MACROD2: variants seen among roughly 807,000 people sequenced by gnomAD.
MACROD2 encodes the protein ADP-ribose glycohydrolase MACROD2.
Under a neutral mutation model 70.4 loss-of-function variants are expected in MACROD2, and 36 were observed. That is an observed-to-expected ratio of 0.51 (90% CI 0.39 to 0.68). The LOEUF (loss-of-function observed/expected upper bound fraction) is 0.68, where lower values mean the gene tolerates loss of function less well. MACROD2 is among the 30% of genes least tolerant of loss of function. The pLI is 0.00. For missense variants in MACROD2, 496 were observed against 538.4 expected, an observed-to-expected ratio of 0.92 and a Z score of 0.78; for synonymous variants, 172 against 178.8, an observed-to-expected ratio of 0.96 and a Z score of 0.30.
At chr20:15,066,111 C>CT (rs576117795) in intron 5 of MACROD2, among the ~76,000 whole-genome samples, 1,632 of 142,636 alleles carry the variant, frequency 0.011, 27 homozygotes, top group African/African-American at 0.037. Flanking sequence ...GAGCTGCTTT[C>CT]TTTTTTTTTT....
At chr20:15,375,279 C>T (rs1032110336) in intron 6 of MACROD2, among the ~76,000 whole-genome samples, 1 of 152,030 alleles carries the variant, frequency 6.6e-6, no homozygotes, top group Non-Finnish European at 1.5e-5. Context: ...TCGTGAGATA[C>T]CTGGAACTTG....
chr20:14,671,773 A>G (rs1020268410), intron 4 of MACROD2, among the ~76,000 whole-genome samples: 5 of 152,242 alleles, frequency 3.3e-5, no homozygotes, highest in African/African-American at 1.2e-4. Flanking sequence ...CAAATAAATT[A>G]ACCAAATTCC....
At chr20:15,458,022 C>T (rs1411211432) in intron 7 of MACROD2, among the ~76,000 whole-genome samples, 1 of 151,408 alleles carries the variant, frequency 6.6e-6, no homozygotes, top group Non-Finnish European at 1.5e-5. Flanking sequence ...GGAACCCTTC[C>T]ATAGTACATC....
chr20:15,946,006 G>A (rs2065817736), intron 12 of MACROD2, among the ~76,000 whole-genome samples: 1 of 152,148 alleles, frequency 6.6e-6, no homozygotes, highest in Non-Finnish European at 1.5e-5. Flanking sequence ...GCAGTTTGGA[G>A]CTAGCTGCTT....
intron 6 of MACROD2, among the ~76,000 whole-genome samples, chr20:15,247,838 C>G (rs939576034): frequency 6.6e-6 from 1 of 152,074 alleles, no homozygotes; most frequent in Non-Finnish European, 1.5e-5. Flanking sequence ...GCTGGGATTA[C>G]AGACAAGCAC....
chr20:15,672,878 T>C (rs2050000626), intron 8 of MACROD2, among the ~76,000 whole-genome samples: 1 of 152,102 alleles, frequency 6.6e-6, no homozygotes, highest in Non-Finnish European at 1.5e-5. Context: ...AATTGAATGA[T>C]GGGTCTTTGC....
chr20:14,269,031 C>T (rs916370053), intron 3 of MACROD2, among the ~76,000 whole-genome samples: 1 of 152,176 alleles, frequency 6.6e-6, no homozygotes, highest in East Asian at 1.9e-4. Context: ...TTGAGGGGAG[C>T]AAGCTAGTCT....
intron 3 of MACROD2, among the ~76,000 whole-genome samples, chr20:14,453,524 A>G (rs1366068718): frequency 1.3e-5 from 2 of 152,146 alleles, no homozygotes; most frequent in Non-Finnish European, 2.9e-5. Context: ...ACTGAGGCAT[A>G]TGCAGCATGC....
At chr20:15,104,538 T>C (rs2075896992) in intron 5 of MACROD2, among the ~76,000 whole-genome samples, 2 of 152,166 alleles carry the variant, frequency 1.3e-5, no homozygotes, top group Admixed American at 1.3e-4. Context: ...GCATACAAAA[T>C]GACTGTGTTT....
At chr20:15,140,274 A>T (rs184563553) in intron 5 of MACROD2, among the ~76,000 whole-genome samples, 2 of 152,156 alleles carry the variant, frequency 1.3e-5, no homozygotes, top group Admixed American at 1.3e-4. Flanking sequence ...TGAGTTCGTT[A>T]TGATGGAAGA....
chr20:14,189,668 G>T (rs2081369785), intron 3 of MACROD2, among the ~76,000 whole-genome samples: 1 of 152,208 alleles, frequency 6.6e-6, no homozygotes, highest in Non-Finnish European at 1.5e-5. Flanking sequence ...TTATGAGAGG[G>T]TATAGAAGAC....
intron 6 of MACROD2, among the ~76,000 whole-genome samples, chr20:15,312,685 G>T (rs1191397827): frequency 6.6e-6 from 1 of 152,186 alleles, no homozygotes; most frequent in Non-Finnish European, 1.5e-5. Flanking sequence ...TGTAAGGATA[G>T]ACAAGAAAGT....
intron 4 of MACROD2, among the ~76,000 whole-genome samples, chr20:14,677,560 T>TA (rs2070877216): frequency 6.6e-6 from 1 of 152,152 alleles, no homozygotes. Context: ...ATCAGGGTGG[T>TA]AAATGACAGG....
At chr20:15,977,253 A>G (rs917298930) in intron 13 of MACROD2, among the ~76,000 whole-genome samples, 2 of 152,198 alleles carry the variant, frequency 1.3e-5, no homozygotes, top group African/African-American at 4.8e-5. Context: ...TCAGTAAACA[A>G]ACAGTGAAGG....
chr20:15,916,917 CT>C (rs1475793542), intron 10 of MACROD2, among the ~76,000 whole-genome samples: 6 of 152,216 alleles, frequency 3.9e-5, no homozygotes, highest in African/African-American at 1.4e-4. Flanking sequence ...CAGTACACTT[CT>C]GTAAAGGACC....
intron 12 of MACROD2, among the ~76,000 whole-genome samples, chr20:15,947,322 C>A (rs1429053686): frequency 6.6e-6 from 1 of 152,166 alleles, no homozygotes; most frequent in South Asian, 2.1e-4. Flanking sequence ...GGGGAAAAAC[C>A]TTGGACAATA....
chr20:15,831,137 CA>C (rs2064051716), intron 8 of MACROD2, among the ~76,000 whole-genome samples: 1 of 152,168 alleles, frequency 6.6e-6, no homozygotes, highest in South Asian at 2.1e-4. Flanking sequence ...CCCTGGATTT[CA>C]ATGACAGTGA....
intron 3 of MACROD2, among the ~76,000 whole-genome samples, chr20:14,349,413 CTT>C (rs1457864202): frequency 1.3e-5 from 2 of 150,516 alleles, no homozygotes; most frequent in Admixed American, 6.6e-5. Context: ...AGTTAATACT[CTT>C]TTAGTTATTT....
At chr20:14,591,680 TA>T (rs1837198193) in intron 4 of MACROD2, among the ~76,000 whole-genome samples, 1 of 152,184 alleles carries the variant, frequency 6.6e-6, no homozygotes, top group Admixed American at 6.5e-5. Flanking sequence ...GAGACGTTTT[TA>T]TGCACTTTAA....
Sources: allele counts gnomAD v4.1 joint callset (sites outside exome capture counted in the v4.1 genomes callset), GRCh38; gene constraint gnomAD v4.1.1; transcripts MANE v1.5; gene names NCBI Gene and HGNC (gene_info 2026-07-23, HGNC 2026-07-21).